Variants in DOCK6 observed in about 807,000 individuals in gnomAD.
DOCK6 encodes the protein dedicator of cytokinesis 6.
In DOCK6, 167 loss-of-function variants were observed where a neutral mutation model predicts 230.3. That is an observed-to-expected ratio of 0.73 (90% CI 0.64 to 0.82). The LOEUF is 0.82. DOCK6 is among the 40% of genes least tolerant of loss of function. The pLI is 0.00. For synonymous variants in DOCK6, 1,148 were observed against 1,185.0 expected (o/e 0.97, Z 0.64); for missense variants, 2,598 against 2,825.8 (o/e 0.92, Z 1.83).
In DOCK6 at chr19:11,212,072, T is replaced by C; in HGVS notation, c.4571A>G (p.His1524Arg). ...VGTTQNFSEE[H>R]LRRSLKTILT... ...GATGGTTTTGAGTGAACGTCGCAGGTGCTCTTCACTGAAGTTCTGCGTCGT... is the reference window on the plus strand; with the variant it reads ...GATGGTTTTGAGTGAACGTCGCAGGCGCTCTTCACTGAAGTTCTGCGTCGT... Residue 1524 changes from histidine to arginine, a missense_variant, in exon 36 of 48, where the codon CAC becomes CGC. His to Arg is a conservative substitution (Grantham distance 29, BLOSUM62 0). Transcript: ENST00000294618. 1.2e-6 allele frequency: 2 copies of C among 1,611,812 alleles called. No homozygotes were observed. Among genetic ancestry groups the C allele is most frequent in the South Asian group, 2.2e-5 (2 of 90,562 alleles).
At chr19:11,214,479 G>T (rs767000230) in intron 33 of DOCK6, 70 bp from the exon 34 acceptor site, 12 of 1,612,378 alleles carry the variant, frequency 7.4e-6, no homozygotes, top group Non-Finnish European at 1.0e-5. Flanking sequence ...GAAGGAGAGG[G>T]ATTATGGAGT....
In DOCK6 at chr19:11,204,299, G is replaced by A. The variant is rs757005322; in HGVS notation, c.5121C>T (p.Tyr1707=). The A allele has an allele frequency of 1.9e-6, 3 of 1,610,852 alleles. No homozygotes were observed. Among genetic ancestry groups the A allele is most frequent in the African/African-American group, 1.3e-5 (1 of 74,896 alleles). The change falls in exon 40 of 48, where the codon TAC becomes TAT. Residue 1707 remains tyrosine (Y), a synonymous_variant. Transcript: ENST00000294618. ...GGLYEAVNEV[Y]KNLIPILEAH... ...CTTCCAGGATGGGGATGAGGTTCTT[G>A]TAGACCTCATTCACCGCCTCGTAGA... is the stretch of plus-strand genomic sequence containing the variant.
At chr19:11,259,558 T>TTTTTC (rs1363605902) in intron 1 of DOCK6, among the ~76,000 whole-genome samples, 4 of 129,306 alleles carry the variant, frequency 3.1e-5, no homozygotes, top group South Asian at 2.8e-4. Flanking sequence ...TTTCTTTTCT[T>TTTTTC]TTTTTTTTTT....
chr19:11,235,197 C>A (rs755554054), intron 21 of DOCK6, among the ~76,000 whole-genome samples: 1 of 152,184 alleles, frequency 6.6e-6, no homozygotes, highest in Non-Finnish European at 1.5e-5. Context: ...CTCACTGCAA[C>A]CTCTGCCTCC....
chr19:11,240,064 A>T (rs1336488680), intron 14 of DOCK6: 2 of 1,548,972 alleles, frequency 1.3e-6, no homozygotes, highest in African/African-American at 2.7e-5. Context: ...TCAGCGATAA[A>T]CTCAGGCAAG....
intron 39 of DOCK6, among the ~76,000 whole-genome samples, chr19:11,206,544 G>A (rs2079263577): frequency 1.3e-5 from 2 of 151,648 alleles, no homozygotes; most frequent in South Asian, 4.2e-4. Context: ...CTGGGTGAGA[G>A]AGTAAGACCC....
At chr19:11,239,636 T>A in intron 14 of DOCK6, 1 of 1,613,698 alleles carries the variant, frequency 6.2e-7, no homozygotes. Flanking sequence ...AGACCCTCAG[T>A]CATGCCAGTG....
chr19:11,199,418 A>G lies in DOCK6; in HGVS notation c.*79T>C, dbSNP rs1212638321. Reference sequence around the variant, plus strand: ...GTCACCCCACAGCCCAGTGGGCACCAGGGCAGACTCCCCTCGCAGCACAGA... The same window carrying G: ...GTCACCCCACAGCCCAGTGGGCACCGGGGCAGACTCCCCTCGCAGCACAGA... On this transcript the variant is annotated 3_prime_UTR_variant, in exon 48 of 48. Coordinates refer to ENST00000294618, the MANE Select transcript of DOCK6 (RefSeq NM_020812.4). 1 of 1,511,428 alleles carries G rather than the reference A, an allele frequency of 6.6e-7. No individual in the cohort carries two copies. Among genetic ancestry groups the G allele is most frequent in the Non-Finnish European group, 9.0e-7 (1 of 1,110,276 alleles). The allele number at this position is 1,511,428 out of a possible 1,614,324, so 93.6% of individuals were successfully genotyped here.
At chr19:11,246,543 C>T (rs1184305759) in intron 7 of DOCK6, among the ~76,000 whole-genome samples, 1 of 152,012 alleles carries the variant, frequency 6.6e-6, no homozygotes, top group African/African-American at 2.4e-5. Context: ...GGATTACAGG[C>T]GTGAGCCACC....
At chr19:11,233,879 A>G (rs553577764) in intron 21 of DOCK6, among the ~76,000 whole-genome samples, 156 of 151,886 alleles carry the variant, frequency 1.0e-3, no homozygotes, top group African/African-American at 3.4e-3. Context: ...TTGTTGCCCA[A>G]GCTGGAGTGC....
Position 11,233,244 on chromosome 19 carries a change from C to T in DOCK6, c.2677G>A (p.Gly893Ser). 6.2e-7 allele frequency: 1 copy of T among 1,613,890 alleles called. No homozygotes were observed. The highest frequency in any genetic ancestry group is 8.5e-7 in the Non-Finnish European group (1 of 1,179,868). The stretch of plus-strand genomic sequence containing the variant: ...CGGGAAACCTCGTCATCCACAGAGC[C>T]AGGGGCCACGGCGAGGTCAGGGTTG... ...SSNPDLAVAP[G>S]SVDDEVSRIL... The change falls in exon 22 of 48, where the codon GGC (glycine) becomes AGC (serine). Residue 893 changes from glycine (G) to serine (S), a missense_variant. By Grantham distance (56) the Gly-to-Ser change is moderately conservative. Transcript: ENST00000294618.
intron 1 of DOCK6, among the ~76,000 whole-genome samples, chr19:11,258,205 T>C (rs1403045365): frequency 6.6e-6 from 1 of 152,142 alleles, no homozygotes; most frequent in African/African-American, 2.4e-5. Context: ...TGAGCCTTCC[T>C]GACATGATGC....
chr19:11,241,394 G>A (rs1462075073), intron 14 of DOCK6: 4 of 1,191,068 alleles, frequency 3.4e-6, no homozygotes, highest in Non-Finnish European at 4.9e-6. Flanking sequence ...AGGGTCAGGG[G>A]ATGGGAGGTG....
At chr19:11,252,627 G>A in intron 3 of DOCK6, 77 bp from the exon 4 acceptor site, 4 of 1,594,530 alleles carry the variant, frequency 2.5e-6, no homozygotes, top group South Asian at 2.2e-5. Context: ...GGTTAGCACT[G>A]TCCTGCCTAT....
chr19:11,232,576 A>G (rs2079782937), intron 22 of DOCK6, among the ~76,000 whole-genome samples: 1 of 152,142 alleles, frequency 6.6e-6, no homozygotes. Flanking sequence ...GTGTATACAG[A>G]CCCAGGTACA....
In DOCK6 at chr19:11,215,438, C is replaced by T. The variant is rs1030769861; in HGVS notation, c.4055G>A (p.Arg1352His). The T allele has an allele frequency of 1.2e-5, 19 of 1,613,446 alleles. No individual in the cohort carries two copies. Among genetic ancestry groups the T allele is most frequent in the Non-Finnish European group, 1.4e-5 (16 of 1,179,848 alleles). Residue 1352 changes from arginine to histidine, a missense_variant, in exon 32 of 48, where the codon CGC (arginine) becomes CAC (histidine). Transcript: ENST00000294618. ...CCAGTGTGTGACGCTCTTCCGCCAG[C>T]GCACATTCTCCGGATTCCCAAACGG... The part of the protein sequence containing the change: ...RSPFGNPENV[R>H]WRKSVTHWKQ...
intron 6 of DOCK6, among the ~76,000 whole-genome samples, chr19:11,249,566 G>T (rs2080085486): frequency 1.3e-5 from 2 of 150,838 alleles, no homozygotes; most frequent in South Asian, 4.2e-4. Context: ...TTGATGGTTG[G>T]ATAAATATAG....
intron 22 of DOCK6, among the ~76,000 whole-genome samples, chr19:11,231,090 G>A (rs1024772657): frequency 6.6e-6 from 1 of 151,986 alleles, no homozygotes; most frequent in Non-Finnish European, 1.5e-5. Flanking sequence ...CTGCCCAAAG[G>A]CCCCCCCTGC....
intron 14 of DOCK6, chr19:11,241,619 G>A: frequency 1.9e-6 from 3 of 1,562,874 alleles, no homozygotes; most frequent in Non-Finnish European, 2.6e-6. Flanking sequence ...CAGCTGGAAA[G>A]GGGCCCCCTC....
Sources: gnomAD v4.1 joint callset for allele counts (sites outside exome capture counted in the v4.1 genomes callset) on GRCh38, gnomAD v4.1.1 for gene constraint, MANE v1.5 for transcripts, NCBI Gene and HGNC (gene_info 2026-07-23, HGNC 2026-07-21) for gene names.